Variants in TAFA1 observed in about 807,000 individuals in gnomAD.
The protein encoded by TAFA1 is TAFA chemokine like family member 1.
Under a neutral mutation model 18.5 loss-of-function variants are expected in TAFA1, and 4 were observed. That is an observed-to-expected ratio of 0.22 (90% confidence interval 0.11 to 0.49). TAFA1 has a LOEUF of 0.49. TAFA1 is among the 20% of genes least tolerant of loss of function. The pLI, the probability that TAFA1 is intolerant of heterozygous loss-of-function variation, is 0.98. For synonymous variants in TAFA1, 56 were observed against 55.2 expected (o/e 1.01, Z -0.06); for missense variants, 147 against 169.0 (o/e 0.87, Z 0.72).
chr3:68,081,572 G>A (rs1318725450), intron 2 of TAFA1, among the ~76,000 whole-genome samples: 7 of 152,140 alleles, frequency 4.6e-5, no homozygotes, highest in African/African-American at 7.2e-5. Context: ...ATACCCTGCC[G>A]TGTAAGGTGT....
rs564434780 is a variant in TAFA1 at position 68,267,338 on chromosome 3, A to T, written c.119-149942A>T. Among the ~76,000 whole-genome samples the T allele has an allele frequency of 1.4e-4, 22 of 152,278 alleles. No homozygotes were observed. In the South Asian group the frequency reaches 4.4e-3, roughly 30 times the overall value. On this transcript the variant is annotated intron_variant, in intron 2 of 4. Transcript: ENST00000478136. ...ACAAGTATCATTTTACTCAAACAAA[A>T]CTGTTCTACTTAGGTTCCATGGTTG...
At chr3:68,384,791 T>C (rs1464344800) in intron 2 of TAFA1, among the ~76,000 whole-genome samples, 1 of 151,996 alleles carries the variant, frequency 6.6e-6, no homozygotes, top group Non-Finnish European at 1.5e-5. Context: ...TATTATTGTG[T>C]GGGAGTCTAA....
At chr3:68,185,382 T>C (rs1036547132) in intron 2 of TAFA1, among the ~76,000 whole-genome samples, 1 of 151,878 alleles carries the variant, frequency 6.6e-6, no homozygotes, top group African/African-American at 2.4e-5. Context: ...TGTAAGGAGG[T>C]AGAAGGGACT....
intron 2 of TAFA1, among the ~76,000 whole-genome samples, chr3:68,352,302 A>C (rs1033194133): frequency 6.6e-6 from 1 of 152,064 alleles, no homozygotes; most frequent in Admixed American, 6.6e-5. Context: ...CATGCAGTAC[A>C]CATCATGCAG....
At chr3:68,316,388 A>G (rs896016444) in intron 2 of TAFA1, among the ~76,000 whole-genome samples, 2 of 152,336 alleles carry the variant, frequency 1.3e-5, no homozygotes, top group Admixed American at 1.3e-4. Flanking sequence ...AAAAAAAGGA[A>G]ATAGAAGTAA....
At chr3:68,475,405 T>C (rs4082809) in intron 3 of TAFA1, among the ~76,000 whole-genome samples, 117,374 of 150,570 alleles carry the variant, frequency 0.78, 46,068 homozygotes, top group African/African-American at 0.88. Flanking sequence ...TGAGAACATG[T>C]CGTGTTTGGT....
intron 2 of TAFA1, among the ~76,000 whole-genome samples, chr3:68,179,700 T>G (rs1052525893): frequency 3.9e-5 from 6 of 152,212 alleles, no homozygotes; most frequent in Non-Finnish European, 8.8e-5. Context: ...CTCTTCTTGA[T>G]GTAACCGCAC....
chr3:68,455,656 A>AT (rs551249502), intron 3 of TAFA1, among the ~76,000 whole-genome samples: 2,477 of 147,196 alleles, frequency 0.017, 23 homozygotes, highest in Middle Eastern at 0.035. Context: ...TCATCCCCCA[A>AT]TTTTTTTTTT....
the TAFA1 span, among the ~76,000 whole-genome samples, chr3:67,998,606 A>G: frequency 2.6e-5 from 4 of 152,356 alleles, no homozygotes; most frequent in Admixed American, 6.5e-5. Context: ...ATCCTTGCTC[A>G]TGTGAGAAAA....
intron 2 of TAFA1, among the ~76,000 whole-genome samples, chr3:68,297,240 A>C (rs890906781): frequency 3.9e-5 from 6 of 152,142 alleles, no homozygotes; most frequent in Non-Finnish European, 8.8e-5. Flanking sequence ...CAAAGTAAGT[A>C]CCCATTTGAT....
chr3:68,462,575 TA>T (rs544959123), intron 3 of TAFA1, among the ~76,000 whole-genome samples: 1 of 152,210 alleles, frequency 6.6e-6, no homozygotes, highest in African/African-American at 2.4e-5. Flanking sequence ...GAGAAAAGAC[TA>T]ATATAGTAAC....
intron 2 of TAFA1, among the ~76,000 whole-genome samples, chr3:68,356,421 A>G (rs748758296): frequency 6.6e-6 from 1 of 151,900 alleles, no homozygotes; most frequent in Non-Finnish European, 1.5e-5. Context: ...CTTTCTTTCT[A>G]TGAAAGGAAA....
At chr3:68,489,551 G>A (rs567887988) in intron 3 of TAFA1, among the ~76,000 whole-genome samples, 73 of 152,100 alleles carry the variant, frequency 4.8e-4, no homozygotes, top group African/African-American at 1.4e-3. Context: ...GTAGACCCCC[G>A]GTGTTTTTCT....
At chr3:68,086,219 G>A (rs1397507660) in intron 2 of TAFA1, among the ~76,000 whole-genome samples, 14 of 152,202 alleles carry the variant, frequency 9.2e-5, no homozygotes, top group Admixed American at 9.2e-4. Context: ...TAGGGTCACA[G>A]ACACTTCCAG....
chr3:68,383,630 G>T (rs1478524537), intron 2 of TAFA1, among the ~76,000 whole-genome samples: 1 of 152,022 alleles, frequency 6.6e-6, no homozygotes, highest in Non-Finnish European at 1.5e-5. Context: ...AAGGATATTG[G>T]CCTGAAGTTT....
chr3:68,448,590 AT>A (rs2071512924), intron 3 of TAFA1, among the ~76,000 whole-genome samples: 1 of 152,084 alleles, frequency 6.6e-6, no homozygotes, highest in African/African-American at 2.4e-5. Context: ...TTAAAGGTTA[AT>A]GGAAGGAAAG....
chr3:68,514,831 A>G (rs2072898694), intron 3 of TAFA1, among the ~76,000 whole-genome samples: 1 of 152,126 alleles, frequency 6.6e-6, no homozygotes, highest in Non-Finnish European at 1.5e-5. Context: ...GGCCAAAGAG[A>G]TTGTTCCAGT....
chr3:68,050,918 T>G (rs1340964075), intron 2 of TAFA1, among the ~76,000 whole-genome samples: 1 of 152,190 alleles, frequency 6.6e-6, no homozygotes, highest in African/African-American at 2.4e-5. Flanking sequence ...CACCAGCCAC[T>G]GTTTGGCCCA....
At chr3:68,291,608 T>C (rs1489405852) in intron 2 of TAFA1, among the ~76,000 whole-genome samples, 1 of 151,874 alleles carries the variant, frequency 6.6e-6, no homozygotes, top group Non-Finnish European at 1.5e-5. Context: ...CGAGTCATTG[T>C]ATAAAAAAGG....
Sources: allele counts gnomAD v4.1 joint callset (sites outside exome capture counted in the v4.1 genomes callset), GRCh38; gene constraint gnomAD v4.1.1; transcripts MANE v1.5; gene names NCBI Gene and HGNC (gene_info 2026-07-23, HGNC 2026-07-21).